The following ROBO1 variants were observed in gnomAD, a reference collection of about 807,000 sequenced individuals.
ROBO1 encodes the protein roundabout homolog 1.
Under a neutral mutation model 195.9 loss-of-function variants are expected in ROBO1, and 149 were observed. The observed-to-expected ratio is 0.76, with a 90% CI of 0.67 to 0.87. ROBO1 has a LOEUF of 0.87. Among genes scored for constraint, ROBO1 ranks in the 40% least tolerant of loss-of-function variants. ROBO1 has a pLI of 0.00. For synonymous variants in ROBO1, 816 were observed against 733.2 expected (o/e 1.11, Z -1.82); for missense variants, 1,933 against 2,068.3 (o/e 0.93, Z 1.27).
chr3:79,720,529 C>T (rs1702651427), intron 1 of ROBO1, among the ~76,000 whole-genome samples: 2 of 152,144 alleles, frequency 1.3e-5, no homozygotes, highest in African/African-American at 4.8e-5. Flanking sequence ...TTGCTTTAAG[C>T]TACTAAATTC....
At chr3:78,722,758 G>A (rs1212519919) in intron 5 of ROBO1, among the ~76,000 whole-genome samples, 6 of 152,018 alleles carry the variant, frequency 3.9e-5, no homozygotes, top group East Asian at 1.9e-4. Flanking sequence ...AAGTGAGCAC[G>A]GGCTCTGGAG....
chr3:78,642,717 C>T (rs544797061), intron 21 of ROBO1, among the ~76,000 whole-genome samples: 21 of 152,194 alleles, frequency 1.4e-4, no homozygotes, highest in Non-Finnish European at 2.4e-4. Context: ...TTTCCATGAT[C>T]ATTTCCCTGG....
chr3:78,712,667 G>C lies in ROBO1; in HGVS notation c.1045+1730C>G, dbSNP rs944824094. On this transcript the variant is annotated intron_variant, in intron 8 of 30. Transcript: ENST00000464233. ...AGAAAACACAACGCAGTTGAAATGAGAACTTCTAAATTCAAGTAGTTTCTG... is the reference window on the plus strand; with the variant it reads ...AGAAAACACAACGCAGTTGAAATGACAACTTCTAAATTCAAGTAGTTTCTG... 2.6e-5 allele frequency among the ~76,000 whole-genome samples: 4 copies of C among 152,134 alleles called. No homozygotes were observed. In the East Asian group the frequency reaches 7.7e-4, roughly 29 times the overall value.
At chr3:79,702,718 C>T (rs1202648497) in intron 1 of ROBO1, among the ~76,000 whole-genome samples, 1 of 151,976 alleles carries the variant, frequency 6.6e-6, no homozygotes, top group Non-Finnish European at 1.5e-5. Flanking sequence ...CAGATTCCAA[C>T]CCAGGTAAAA....
At chr3:78,637,975 GT>G (rs369596087) in intron 22 of ROBO1, among the ~76,000 whole-genome samples, 8,647 of 136,264 alleles carry the variant, frequency 0.063, 567 homozygotes, top group African/African-American at 0.16. Flanking sequence ...GCAATATTGG[GT>G]TTTTTTTTGG....
intron 3 of ROBO1, among the ~76,000 whole-genome samples, chr3:79,074,645 T>C (rs2079142068): frequency 6.6e-6 from 1 of 151,570 alleles, no homozygotes; most frequent in Non-Finnish European, 1.5e-5. Context: ...CCCAGGCTGG[T>C]CTCCAACCCC....
chr3:79,116,058 A>G (rs2108546233), intron 3 of ROBO1, among the ~76,000 whole-genome samples: 1 of 152,170 alleles, frequency 6.6e-6, no homozygotes, highest in South Asian at 2.1e-4. Context: ...CTAATGACAA[A>G]TTTCTTGTTT....
chr3:79,572,808 T>C (rs1291957249), intron 2 of ROBO1, among the ~76,000 whole-genome samples: 2 of 152,188 alleles, frequency 1.3e-5, no homozygotes, highest in Admixed American at 6.5e-5. Context: ...TTTGTTTTTC[T>C]GGCAGAAAAT....
At chr3:79,122,650 G>T (rs2080140870) in intron 3 of ROBO1, among the ~76,000 whole-genome samples, 1 of 151,950 alleles carries the variant, frequency 6.6e-6, no homozygotes, top group African/African-American at 2.4e-5. Flanking sequence ...GGGTCAGTTT[G>T]ATAGTGATGC....
chr3:78,804,802 T>C (rs2084483943), intron 4 of ROBO1, among the ~76,000 whole-genome samples: 3 of 151,812 alleles, frequency 2.0e-5, no homozygotes, highest in African/African-American at 7.3e-5. Context: ...CAAACAACTT[T>C]TCCTCTGGAC....
At chr3:79,455,604 C>T (rs895324614) in intron 2 of ROBO1, among the ~76,000 whole-genome samples, 3 of 151,902 alleles carry the variant, frequency 2.0e-5, no homozygotes, top group Admixed American at 6.6e-5. Context: ...AGTCATTTTC[C>T]GCATTTTGAT....
At chr3:79,558,963 A>C (rs981909025) in intron 2 of ROBO1, among the ~76,000 whole-genome samples, 23 of 152,344 alleles carry the variant, frequency 1.5e-4, no homozygotes, top group African/African-American at 5.1e-4. Flanking sequence ...AGGAGGAATT[A>C]GCTTGTGGCT....
chr3:79,104,985 A>C (rs1025144158), intron 3 of ROBO1, among the ~76,000 whole-genome samples: 6 of 151,758 alleles, frequency 4.0e-5, no homozygotes, highest in Admixed American at 3.3e-4. Flanking sequence ...AAACTGACTT[A>C]CATGAATGCA....
intron 5 of ROBO1, among the ~76,000 whole-genome samples, chr3:78,745,256 C>CGAGA (rs2082629351): frequency 6.9e-6 from 1 of 145,594 alleles, no homozygotes. Context: ...TTCAGTGAGC[C>CGAGA]GAGATCGTGC....
At chr3:79,739,695 G>T (rs1703542106) in intron 1 of ROBO1, among the ~76,000 whole-genome samples, 1 of 152,092 alleles carries the variant, frequency 6.6e-6, no homozygotes, top group Non-Finnish European at 1.5e-5. Flanking sequence ...GTTTTGGAAG[G>T]TGTTCAAGAA....
intron 1 of ROBO1, among the ~76,000 whole-genome samples, chr3:79,711,528 G>GA (rs1288421384): frequency 6.6e-6 from 1 of 152,036 alleles, no homozygotes; most frequent in East Asian, 1.9e-4. Flanking sequence ...AGAAAAGTAT[G>GA]AAAAAGGAAA....
At position 79,167,229 on chromosome 3, in the gene ROBO1, C is replaced by T. The variant is rs150198384; in HGVS notation, c.89-41690G>A. Among the ~76,000 whole-genome samples the T allele has an allele frequency of 3.3e-3, 492 of 148,620 alleles. 2 individuals carry two copies. The highest frequency in any genetic ancestry group is 0.012 in the African/African-American group (468 of 39,018). On this transcript the variant is annotated intron_variant, in intron 2 of 30. Coordinates refer to ENST00000464233, the MANE Select transcript of ROBO1 (RefSeq NM_002941.4). ...AATTCATCCAGAGCATCTAAACTCA[C>T]GCTAGTAAATTTTCTTGCAGTTAAA...
chr3:79,511,435 T>C (rs1182435018), intron 2 of ROBO1, among the ~76,000 whole-genome samples: 1 of 152,186 alleles, frequency 6.6e-6, no homozygotes, highest in African/African-American at 2.4e-5. Flanking sequence ...TCTCGAAGGA[T>C]ATGCATTTTC....
intron 2 of ROBO1, among the ~76,000 whole-genome samples, chr3:79,446,303 T>G (rs1161941925): frequency 6.6e-6 from 1 of 152,222 alleles, no homozygotes; most frequent in Non-Finnish European, 1.5e-5. Context: ...AAATTGTATT[T>G]ATCATAAATC....
Sources: gnomAD v4.1 joint callset for allele counts (sites outside exome capture counted in the v4.1 genomes callset) on GRCh38, gnomAD v4.1.1 for gene constraint, MANE v1.5 for transcripts, NCBI Gene and HGNC (gene_info 2026-07-23, HGNC 2026-07-21) for gene names.